Variants in ANTXR1 observed in about 807,000 individuals in gnomAD.
The protein encoded by ANTXR1 is anthrax toxin receptor 1.
In ANTXR1, 19 loss-of-function variants were observed where a neutral mutation model predicts 78.1. That is an observed-to-expected ratio of 0.24 (90% confidence interval 0.17 to 0.36). The LOEUF is 0.36. ANTXR1 is among the 10% of genes least tolerant of loss of function. The pLI is 1.00. For missense variants in ANTXR1, 518 were observed against 718.6 expected (o/e 0.72, Z 3.19); for synonymous variants, 273 against 260.5 (o/e 1.05, Z -0.46).
chr2:69,215,020 C>T (rs1357593212), intron 17 of ANTXR1, among the ~76,000 whole-genome samples: 2 of 152,222 alleles, frequency 1.3e-5, no homozygotes, highest in Non-Finnish European at 2.9e-5. Context: ...TTCCTCTGCA[C>T]GACCCACATC....
At chr2:69,227,830 G>A (rs967136136) in intron 17 of ANTXR1, among the ~76,000 whole-genome samples, 2 of 152,168 alleles carry the variant, frequency 1.3e-5, no homozygotes, top group Admixed American at 1.3e-4. Flanking sequence ...TAGATTACAT[G>A]GCCACACCTT....
intron 17 of ANTXR1, among the ~76,000 whole-genome samples, chr2:69,225,236 T>G (rs1307869929): frequency 1.3e-5 from 2 of 152,186 alleles, no homozygotes. Flanking sequence ...GATGCCAGTG[T>G]CCAGGGAATT....
At chr2:69,117,934 G>A (rs569709200) in intron 10 of ANTXR1, among the ~76,000 whole-genome samples, 11 of 152,230 alleles carry the variant, frequency 7.2e-5, no homozygotes, top group South Asian at 2.1e-4. Flanking sequence ...AGTCTGGGGC[G>A]TTTAGCACTC....
intron 3 of ANTXR1, among the ~76,000 whole-genome samples, chr2:69,058,244 A>G (rs770056307): frequency 6.6e-6 from 1 of 152,240 alleles, no homozygotes; most frequent in Non-Finnish European, 1.5e-5. Flanking sequence ...ACAGCCTTCT[A>G]TTGGAAGAAG....
intron 17 of ANTXR1, among the ~76,000 whole-genome samples, chr2:69,239,622 C>T (rs544162330): frequency 6.6e-5 from 10 of 152,306 alleles, no homozygotes; most frequent in African/African-American, 2.4e-4. Flanking sequence ...CTAGCCGGTA[C>T]AACTTAATTG....
chr2:69,156,179 A>G (rs1438000225), intron 13 of ANTXR1, among the ~76,000 whole-genome samples: 1 of 151,810 alleles, frequency 6.6e-6, no homozygotes, highest in Non-Finnish European at 1.5e-5. Flanking sequence ...CTCCTCCCAA[A>G]CTGCAACCGT....
At chr2:69,131,009 G>A (rs1418038029) in intron 12 of ANTXR1, among the ~76,000 whole-genome samples, 3 of 152,080 alleles carry the variant, frequency 2.0e-5, no homozygotes, top group African/African-American at 7.2e-5. Flanking sequence ...TAGTAACATA[G>A]GGAAATATTT....
chr2:69,013,384 C>T lies in ANTXR1; in HGVS notation c.-116C>T, dbSNP rs1490062320. 5 of 1,408,814 alleles carry T rather than the reference C, an allele frequency of 3.5e-6. No homozygotes were observed. Among genetic ancestry groups the T allele is most frequent in the Admixed American group, 2.0e-5 (1 of 50,610 alleles). 87.3% of individuals were successfully genotyped at this position (1,408,814 alleles called of 1,614,324 possible). The stretch of plus-strand genomic sequence containing the variant: ...TTGCTTCCGGGGAGTTGCGAGGGAG[C>T]GAGGGGGAATAAAGGACCCGCGAGG... On this transcript the variant is annotated 5_prime_UTR_variant, in exon 1 of 18. Coordinates refer to ENST00000303714, the MANE Select transcript of ANTXR1 (RefSeq NM_032208.3). This position sits in a 1 kb window ranked among gnomAD's most constrained non-coding sequence, Gnocchi z 5.0.
chr2:69,217,596 G>A (rs114612341), intron 17 of ANTXR1, among the ~76,000 whole-genome samples: 188 of 152,334 alleles, frequency 1.2e-3, no homozygotes, highest in Non-Finnish European at 2.2e-3. Context: ...GCAATATAGT[G>A]CATTTAGTAT....
chr2:69,079,418 A>G (rs990962436), intron 8 of ANTXR1, among the ~76,000 whole-genome samples: 3 of 152,170 alleles, frequency 2.0e-5, no homozygotes, highest in African/African-American at 4.8e-5. Context: ...GACCCGAATC[A>G]TTGAAAAACC....
chr2:69,193,457 TCTCACATACACA>T lies in ANTXR1; in HGVS notation c.1434+44_1434+55del. Reference sequence around the variant, plus strand: ...CATTAATGGTGTCTCTCTCTCTCTCTCTCACATACACACACACACACACACACACACACATAT... The same window carrying T: ...CATTAATGGTGTCTCTCTCTCTCTCTCACACACACACACACACACACATAT... On this transcript the variant is annotated intron_variant, in intron 17 of 17. Coordinates refer to ENST00000303714, the MANE Select transcript of ANTXR1 (RefSeq NM_032208.3). The T allele has an allele frequency of 9.4e-6, 11 of 1,164,318 alleles. No individual in the cohort carries two copies. The African/African-American group carries it at 1.8e-4, about 20-fold the overall frequency. The allele number at this position is 1,164,318 out of a possible 1,614,324, so 72.1% of individuals were successfully genotyped here. A position where few individuals can be genotyped will look rare whatever the true frequency, so the allele number is the denominator to read the frequency against.
At chr2:69,162,147 TAGG>T (rs1405593656) in intron 13 of ANTXR1, among the ~76,000 whole-genome samples, 1 of 151,810 alleles carries the variant, frequency 6.6e-6, no homozygotes, top group African/African-American at 2.4e-5. Flanking sequence ...CATGAGAAAA[TAGG>T]AGATGTTTCC....
intron 2 of ANTXR1, among the ~76,000 whole-genome samples, chr2:69,043,984 A>T (rs1669683292): frequency 1.3e-5 from 2 of 152,198 alleles, no homozygotes; most frequent in Non-Finnish European, 1.5e-5. Flanking sequence ...TTGGACACAC[A>T]GAACGGCATT....
rs1573944503 is a variant in ANTXR1, at chr2:69,162,019, G to T, written c.1048-8229G>T. Among the ~76,000 whole-genome samples the T allele has an allele frequency of 4.5e-5, 6 of 133,766 alleles. No homozygotes were observed. The Admixed American group carries it at 4.7e-4, about 10-fold the overall frequency. 87.8% of individuals were successfully genotyped at this position (133,766 alleles called of 152,430 possible). ...CTGAGCGTGCAGGAAGTCATCATTT[G>T]TGGAAAAAAAAAAATCCATTACTAT... On this transcript the variant is annotated intron_variant, in intron 13 of 17. Transcript: ENST00000303714.
chr2:69,071,176 G>T (rs1253846368), intron 4 of ANTXR1, among the ~76,000 whole-genome samples: 1 of 152,184 alleles, frequency 6.6e-6, no homozygotes, highest in Non-Finnish European at 1.5e-5. Context: ...ATCAATCCAT[G>T]TTGACAACTA....
At chr2:69,087,888 A>G (rs1022215281) in intron 8 of ANTXR1, among the ~76,000 whole-genome samples, 1 of 152,070 alleles carries the variant, frequency 6.6e-6, no homozygotes, top group Non-Finnish European at 1.5e-5. Flanking sequence ...CTTCAAATCC[A>G]CCAACTGCCA....
intron 13 of ANTXR1, among the ~76,000 whole-genome samples, chr2:69,161,442 A>T (rs1673679861): frequency 6.6e-6 from 1 of 152,214 alleles, no homozygotes; most frequent in Admixed American, 6.5e-5. Context: ...CTGGTACCAC[A>T]TTCCAAATTA....
intron 10 of ANTXR1, among the ~76,000 whole-genome samples, chr2:69,122,669 T>A (rs548757370): frequency 2.6e-5 from 4 of 152,280 alleles, no homozygotes; most frequent in Non-Finnish European, 5.9e-5. Context: ...TATGTATACA[T>A]GTGCCATATT....
chr2:69,117,432 T>C (rs1038222381), intron 10 of ANTXR1, among the ~76,000 whole-genome samples: 1 of 152,224 alleles, frequency 6.6e-6, no homozygotes, highest in Non-Finnish European at 1.5e-5. Context: ...CGTGGGTATA[T>C]GATGTTAGAA....
Sources: gnomAD v4.1 joint callset for allele counts (sites outside exome capture counted in the v4.1 genomes callset) on GRCh38, gnomAD v4.1.1 for gene constraint, Gnocchi (gnomAD v3.1) non-coding constraint, MANE v1.5 for transcripts, NCBI Gene and HGNC (gene_info 2026-07-23, HGNC 2026-07-21) for gene names.